The following ZMYND8 variants were observed in gnomAD, a reference collection of about 807,000 sequenced individuals.
The protein encoded by ZMYND8 is zinc finger MYND-type containing 8.
A neutral mutation model predicts 140.8 loss-of-function variants in ZMYND8; 37 were observed. That is an observed-to-expected ratio of 0.26 (90% CI 0.20 to 0.35). ZMYND8 has a LOEUF of 0.35. Ranked by LOEUF, ZMYND8 falls within the 10% of genes least tolerant of loss-of-function variation. The probability of loss-of-function intolerance (pLI) is 1.00; values close to 1 mark genes in which losing one functional copy is unlikely to be tolerated. For missense variants in ZMYND8, 1,068 were observed against 1,570.0 expected (o/e 0.68, Z 5.40); for synonymous variants, 592 against 597.1 (o/e 0.99, Z 0.12).
chr20:47,328,888 C>G (rs888273258), intron 2 of ZMYND8, among the ~76,000 whole-genome samples: 1 of 152,174 alleles, frequency 6.6e-6, no homozygotes, highest in African/African-American at 2.4e-5. Flanking sequence ...AGAAGAGACA[C>G]ACAGGTAAAT....
At chr20:47,310,384 C>T (rs1420696819) in intron 2 of ZMYND8, among the ~76,000 whole-genome samples, 180 bp from the exon 3 acceptor site, 1 of 152,172 alleles carries the variant, frequency 6.6e-6, no homozygotes, top group African/African-American at 2.4e-5. Flanking sequence ...TCTGCTTCAA[C>T]AGTCAGACAA....
At chr20:47,271,198 G>A (rs1224962665) in intron 11 of ZMYND8, among the ~76,000 whole-genome samples, 1 of 152,172 alleles carries the variant, frequency 6.6e-6, no homozygotes, top group Non-Finnish European at 1.5e-5. Flanking sequence ...CAACTCTCTA[G>A]CTCAGCGTCT....
chr20:47,270,020 G>T (rs1454948153), intron 11 of ZMYND8, among the ~76,000 whole-genome samples: 1 of 152,126 alleles, frequency 6.6e-6, no homozygotes, highest in Non-Finnish European at 1.5e-5. Flanking sequence ...GAGGCAGGCA[G>T]ATCGTTTGAG....
rs34474269 is a variant in ZMYND8 at position 47,270,697 on chromosome 20, GAAAA to G, written c.1480+5613_1480+5616del. 2.9e-3 allele frequency among the ~76,000 whole-genome samples: 250 copies of G among 86,668 alleles called. 2 individuals are homozygous for G. In the Middle Eastern group the frequency reaches 0.062, roughly 22 times the overall value. 56.9% of individuals were successfully genotyped at this position (86,668 alleles called of 152,430 possible). ...GCAACATAGTGAGGACCCTGTCTCT[GAAAA>G]AAAAAAAAAAAAAAAAAAGAAAGAA... On this transcript the variant is annotated intron_variant, in intron 11 of 22. Transcript: ENST00000471951.
At chr20:47,260,105 G>A (rs2075044063) in intron 12 of ZMYND8, among the ~76,000 whole-genome samples, 1 of 152,040 alleles carries the variant, frequency 6.6e-6, no homozygotes, top group Admixed American at 6.6e-5. Flanking sequence ...CTCTGTTGGG[G>A]GCCCTGTTCT....
intron 14 of ZMYND8, among the ~76,000 whole-genome samples, chr20:47,240,488 T>C (rs1278272523): frequency 6.7e-6 from 1 of 149,998 alleles, no homozygotes; most frequent in African/African-American, 2.4e-5. Context: ...CACTCCAGCC[T>C]GGGTGACAGG....
At chr20:47,225,033 A>G (rs2037489657) in intron 18 of ZMYND8, among the ~76,000 whole-genome samples, 1 of 152,178 alleles carries the variant, frequency 6.6e-6, no homozygotes, top group South Asian at 2.1e-4. Flanking sequence ...AAGTACTACT[A>G]TTCTACCCCT....
intron 16 of ZMYND8, among the ~76,000 whole-genome samples, chr20:47,232,957 A>C (rs1176323795): frequency 2.1e-5 from 3 of 142,152 alleles, no homozygotes; most frequent in Non-Finnish European, 4.5e-5. Context: ...CCCAGGCTGG[A>C]GTGAAGTGGC....
chr20:47,348,316 A>G lies in ZMYND8; in HGVS notation c.15-390T>C, dbSNP rs79891176. On this transcript the variant is annotated intron_variant, in intron 1 of 22. Coordinates refer to ENST00000471951, the MANE Select transcript of ZMYND8 (RefSeq NM_001281775.3). ...GTTGGAGGTGTTTTGCAGGGTATCC[A>G]GAATTCTGATCGCTGAATACTTTAG... 64 of 253,708 alleles carry G rather than the reference A, an allele frequency of 2.5e-4. No homozygotes were observed. The East Asian group carries it at 6.9e-3, about 27-fold the overall frequency. The allele number at this position is 253,708 out of a possible 1,614,324, so 15.7% of individuals were successfully genotyped here.
intron 1 of ZMYND8, chr20:47,355,504 G>A (rs945190771): frequency 5.7e-5 from 56 of 985,290 alleles, no homozygotes; most frequent in Non-Finnish European, 6.3e-5. Flanking sequence ...AGAGAGAACA[G>A]GCTGGCAGAT....
At position 47,329,719 on chromosome 20, in the gene ZMYND8, A is replaced by G. The variant is rs779193105; in HGVS notation, c.85+18137T>C. 7.2e-5 allele frequency among the ~76,000 whole-genome samples: 11 copies of G among 152,268 alleles called. No individual in the cohort carries two copies. The South Asian group carries it at 8.3e-4, about 11-fold the overall frequency. On this transcript the variant is annotated intron_variant, in intron 2 of 22. Coordinates refer to ENST00000471951, the MANE Select transcript of ZMYND8 (RefSeq NM_001281775.3). ...ACGCCTGGCTTGTTAATGTAAATTT[A>G]AAGAGCCACGTACAGCTAGTGGCGA...
At chr20:47,314,946 T>C (rs1039688401) in intron 2 of ZMYND8, among the ~76,000 whole-genome samples, 3 of 152,172 alleles carry the variant, frequency 2.0e-5, no homozygotes, top group African/African-American at 7.2e-5. Context: ...CCAGGGACCC[T>C]TGAACAGGCC....
chr20:47,335,213 T>C (rs1049441836), intron 2 of ZMYND8, among the ~76,000 whole-genome samples: 1 of 151,894 alleles, frequency 6.6e-6, no homozygotes, highest in Non-Finnish European at 1.5e-5. Flanking sequence ...CCCACTGCAC[T>C]CCAGCTTGGG....
intron 2 of ZMYND8, among the ~76,000 whole-genome samples, chr20:47,326,018 T>C (rs2148403347): frequency 6.6e-6 from 1 of 152,214 alleles, no homozygotes; most frequent in African/African-American, 2.4e-5. Context: ...AGTGCAATGG[T>C]GCAGTCTCAG....
intron 14 of ZMYND8, among the ~76,000 whole-genome samples, chr20:47,242,275 C>G (rs565347416): frequency 7.9e-5 from 12 of 152,076 alleles, no homozygotes; most frequent in African/African-American, 2.9e-4. Flanking sequence ...CGATGGTTAT[C>G]GAGATGTTGC....
chr20:47,258,700 T>A (rs552215887), intron 12 of ZMYND8, among the ~76,000 whole-genome samples: 2 of 152,274 alleles, frequency 1.3e-5, no homozygotes, highest in Admixed American at 1.3e-4. Context: ...ATTGTCCCTG[T>A]CTGGGGAAAG....
intron 8 of ZMYND8, among the ~76,000 whole-genome samples, chr20:47,284,282 AGT>A (rs958350045): frequency 1.3e-5 from 2 of 152,096 alleles, no homozygotes; most frequent in African/African-American, 4.8e-5. Context: ...AAAAGCCCCC[AGT>A]GACTTCCCAT....
chr20:47,254,115 C>A (rs1302001445), intron 12 of ZMYND8, among the ~76,000 whole-genome samples: 3 of 152,254 alleles, frequency 2.0e-5, no homozygotes, highest in African/African-American at 7.2e-5. Context: ...TTCTTCCACC[C>A]CTGCCCTTCT....
At chr20:47,326,748 T>C (rs1460146673) in intron 2 of ZMYND8, among the ~76,000 whole-genome samples, 1 of 152,184 alleles carries the variant, frequency 6.6e-6, no homozygotes, top group Non-Finnish European at 1.5e-5. Context: ...TTCAAGTTCA[T>C]CTTCCCTGCA....
Sources: allele counts gnomAD v4.1 joint callset (sites outside exome capture counted in the v4.1 genomes callset), GRCh38; gene constraint gnomAD v4.1.1; transcripts MANE v1.5; gene names NCBI Gene and HGNC (gene_info 2026-07-23, HGNC 2026-07-21).